The following TAOK3 variants were observed in gnomAD, a reference collection of about 807,000 sequenced individuals.
TAOK3 encodes TAO kinase 3.
TAOK3 carries 40 observed loss-of-function variants against 120.4 expected under a neutral mutation model. That is an observed-to-expected ratio of 0.33 (90% CI 0.26 to 0.43). TAOK3 has a LOEUF of 0.43. TAOK3 is among the 20% of genes least tolerant of loss of function. The probability of loss-of-function intolerance (pLI) is 1.00; values close to 1 mark genes in which losing one functional copy is unlikely to be tolerated. For missense variants in TAOK3, 821 were observed against 1,112.1 expected (o/e 0.74, Z 3.72); for synonymous variants, 355 against 387.5 (o/e 0.92, Z 0.99).
intron 1 of TAOK3, among the ~76,000 whole-genome samples, chr12:118,312,404 G>A (rs2043296094): frequency 6.6e-6 from 1 of 152,074 alleles, no homozygotes; most frequent in Non-Finnish European, 1.5e-5. Context: ...ACAATGCTAA[G>A]ATTTTAGATA....
Position 118,239,291 on chromosome 12 carries a change from A to ACTTTCAT in TAOK3, c.295-20_295-19insATGAAAG. On this transcript the variant is annotated intron_variant, in intron 5 of 20. Coordinates refer to ENST00000392533, the MANE Select transcript of TAOK3 (RefSeq NM_016281.4). ...TCACCAACTATAAGAGATTAAAATA[A>ACTTTCAT]TATTCAGAATAATGAAAGTTAATTT... is the stretch of plus-strand genomic sequence containing the variant. 1 of 1,409,822 alleles carries ACTTTCAT rather than the reference A, an allele frequency of 7.1e-7. No homozygotes were observed. Among genetic ancestry groups the ACTTTCAT allele is most frequent in the Non-Finnish European group, 1.0e-6 (1 of 1,004,540 alleles). 87.3% of individuals were successfully genotyped at this position (1,409,822 alleles called of 1,614,324 possible).
chr12:118,258,858 T>G (rs747042441), intron 2 of TAOK3, among the ~76,000 whole-genome samples: 1 of 151,874 alleles, frequency 6.6e-6, no homozygotes, highest in African/African-American at 2.4e-5. Context: ...TTTAAGAAAA[T>G]CAAAAAGACC....
At chr12:118,244,581 T>G (rs917641993) in intron 4 of TAOK3, among the ~76,000 whole-genome samples, 1 of 143,480 alleles carries the variant, frequency 7.0e-6, no homozygotes, top group Admixed American at 7.5e-5. Flanking sequence ...CAGGCTGGAG[T>G]GCAGCGGCGT....
intron 6 of TAOK3, among the ~76,000 whole-genome samples, chr12:118,238,806 AT>A (rs998473261): frequency 6.6e-6 from 1 of 151,714 alleles, no homozygotes; most frequent in Admixed American, 6.6e-5. Flanking sequence ...GGCTCAAGAT[AT>A]TTTTTTTAAA....
At chr12:118,298,004 T>G (rs2140644294) in intron 1 of TAOK3, among the ~76,000 whole-genome samples, 1 of 152,282 alleles carries the variant, frequency 6.6e-6, no homozygotes, top group South Asian at 2.1e-4. Flanking sequence ...GGTCTCAAAC[T>G]CTTGACTTCA....
chr12:118,253,910 G>A (rs1376069237), intron 3 of TAOK3, among the ~76,000 whole-genome samples: 2 of 151,980 alleles, frequency 1.3e-5, no homozygotes, highest in South Asian at 2.1e-4. Context: ...TTAGCTGAGC[G>A]TGGTGGCACA....
intron 14 of TAOK3, among the ~76,000 whole-genome samples, chr12:118,182,623 A>ATATATTTTTTTT (rs371125415): frequency 1.1e-5 from 1 of 92,414 alleles, no homozygotes; most frequent in African/African-American, 4.9e-5. Flanking sequence ...ATATATATAT[A>ATATATTTTTTTT]TTTTTTTTTT....
intron 1 of TAOK3, among the ~76,000 whole-genome samples, chr12:118,361,462 CT>C (rs879290391): frequency 2.5e-3 from 353 of 141,790 alleles, no homozygotes; most frequent in Middle Eastern, 3.6e-3. Context: ...ATTTTTTTTT[CT>C]TTTTTTTTTT....
At chr12:118,152,548 G>A in intron 19 of TAOK3, 139 bp from the exon 20 acceptor site, 1 of 747,692 alleles carries the variant, frequency 1.3e-6, no homozygotes, top group Non-Finnish European at 2.2e-6. Context: ...GATGCTCTGG[G>A]TACATTCAGA....
rs2038762875 is a variant in TAOK3, at chr12:118,214,098, G to A, written c.656C>T (p.Pro219Leu). 3.7e-6 allele frequency: 6 copies of A among 1,608,552 alleles called. No individual in the cohort carries two copies. The highest frequency in any genetic ancestry group is 1.7e-5 in the Admixed American group (1 of 58,420). ...ITCIELAERK[P>L]PLFNMNAMSA... ...CATTGCATTCATGTTGAAAAGGGGC[G>A]GCTTCCGTTCCGCTGGAAGAGGAAA... Residue 219 changes from proline to leucine, a missense_variant, in exon 10 of 21, where the codon CCG (proline) becomes CTG (leucine). Pro to Leu is a moderately conservative substitution (Grantham distance 98). Coordinates refer to ENST00000392533, the MANE Select transcript of TAOK3 (RefSeq NM_016281.4).
chr12:118,186,263 G>A (rs774706665), intron 14 of TAOK3, among the ~76,000 whole-genome samples: 11 of 152,050 alleles, frequency 7.2e-5, no homozygotes, highest in African/African-American at 2.4e-4. Flanking sequence ...ACATAAATTC[G>A]CCTCTGTAAT....
Position 118,244,976 on chromosome 12 carries a change from A to T in TAOK3, c.121-11T>A. 1 of 1,582,172 alleles carries T rather than the reference A, an allele frequency of 6.3e-7. No individual in the cohort carries two copies. The highest frequency in any genetic ancestry group is 8.6e-7 in the Non-Finnish European group (1 of 1,156,864). Reference sequence around the variant, plus strand: ...GTGAGCATTTGTAGCCTGTGTTAAGAGGGTAGAAGAAAAAGAAAAAGAATT... The same window carrying T: ...GTGAGCATTTGTAGCCTGTGTTAAGTGGGTAGAAGAAAAAGAAAAAGAATT... On this transcript the variant is annotated splice_polypyrimidine_tract_variant and intron_variant, in intron 3 of 20. Coordinates refer to ENST00000392533, the MANE Select transcript of TAOK3 (RefSeq NM_016281.4).
At chr12:118,197,798 C>T (rs2037806832) in intron 13 of TAOK3, among the ~76,000 whole-genome samples, 1 of 150,860 alleles carries the variant, frequency 6.6e-6, no homozygotes, top group African/African-American at 2.4e-5. Flanking sequence ...CGCCATTCTC[C>T]TGCCTCAGCC....
At chr12:118,319,495 C>A (rs750728875) in intron 1 of TAOK3, among the ~76,000 whole-genome samples, 1 of 151,886 alleles carries the variant, frequency 6.6e-6, no homozygotes, top group Non-Finnish European at 1.5e-5. Flanking sequence ...AAAAGACAAA[C>A]GACCCAATTT....
chr12:118,347,694 G>A (rs1325958340), intron 1 of TAOK3, among the ~76,000 whole-genome samples: 4 of 152,064 alleles, frequency 2.6e-5, no homozygotes, highest in South Asian at 4.1e-4. Context: ...ATTCTGTGCT[G>A]AGCTTCCCCT....
At chr12:118,281,656 T>C (rs2042103595) in intron 1 of TAOK3, among the ~76,000 whole-genome samples, 1 of 151,062 alleles carries the variant, frequency 6.6e-6, no homozygotes, top group South Asian at 2.1e-4. Context: ...TGGTGGTGGG[T>C]ACGTGTAATC....
intron 1 of TAOK3, among the ~76,000 whole-genome samples, chr12:118,367,941 T>C (rs1844090345): frequency 6.6e-6 from 1 of 152,096 alleles, no homozygotes; most frequent in Non-Finnish European, 1.5e-5. Flanking sequence ...CGGCCGGCAA[T>C]GAAAATGTTT....
At chr12:118,237,930 T>C in intron 7 of TAOK3, 143 bp downstream of exon 7, 1 of 535,386 alleles carries the variant, frequency 1.9e-6, no homozygotes, top group Admixed American at 3.1e-5. Context: ...GGCAACTTTA[T>C]CCTTTATATC....
intron 1 of TAOK3, among the ~76,000 whole-genome samples, chr12:118,316,534 G>A (rs764221299): frequency 4.6e-5 from 7 of 151,954 alleles, no homozygotes; most frequent in Non-Finnish European, 8.8e-5. Flanking sequence ...CTGAGTAGCT[G>A]GGAACACAGT....
Sources: allele counts gnomAD v4.1 joint callset (sites outside exome capture counted in the v4.1 genomes callset), GRCh38; gene constraint gnomAD v4.1.1; transcripts MANE v1.5; gene names NCBI Gene and HGNC (gene_info 2026-07-23, HGNC 2026-07-21).